Variants in MSL3 observed in about 807,000 individuals in gnomAD.
The protein encoded by MSL3 is MSL3-like 1.
Under a neutral mutation model 37.2 loss-of-function variants are expected in MSL3, and 5 were observed. The observed-to-expected ratio is 0.13, with a 90% confidence interval of 0.07 to 0.28. MSL3 has a LOEUF of 0.28. MSL3 is among the 10% of genes least tolerant of loss of function. MSL3 has a pLI of 1.00. For missense variants in MSL3, 315 were observed against 408.5 expected, an observed-to-expected ratio of 0.77 and a Z score of 1.97; for synonymous variants, 149 against 147.6, an observed-to-expected ratio of 1.01 and a Z score of -0.07.
At chrX:11,760,612 T>A in intron 3 of MSL3, 114 bp downstream of exon 3, 1 of 534,910 alleles carries the variant, frequency 1.9e-6, no homozygotes, top group Non-Finnish European at 2.8e-6. Flanking sequence ...TAAATAATTT[T>A]AAATATTTAA....
chrX:11,768,807 G>A, intron 10 of MSL3, 125 bp downstream of exon 10: 1 of 489,206 alleles, frequency 2.0e-6, no homozygotes, highest in Non-Finnish European at 3.5e-6. Context: ...TATCAAAATT[G>A]TACGTAATTT....
rs758177215 is a variant in MSL3 at position 11,763,929 on chromosome X, G to A, written c.899G>A (p.Ser300Asn). Residue 300 changes from serine to asparagine, a missense_variant, in exon 8 of 13, where the codon AGC becomes AAC. Ser to Asn is a conservative substitution (Grantham distance 46). Transcript: ENST00000312196. ...CTTCCAATTAAGGAAAGTGCCACAA[G>A]CACTAACAGGTAAGTTATATAGCCT... ...FFLPIKESAT[S>N]TNRSQEELSP... is the part of the protein sequence containing the mutation. 1.7e-6 allele frequency: 2 copies of A among 1,203,812 alleles called. No individual in the cohort carries two copies. The highest frequency in any genetic ancestry group is 3.0e-5 in the East Asian group (1 of 33,771).
chrX:11,770,729 A>C, intron 10 of MSL3, among the ~76,000 whole-genome samples: 1 of 111,861 alleles, frequency 8.9e-6, no homozygotes, highest in Admixed American at 9.4e-5. Context: ...GAAACCTACC[A>C]TTTTTCCCCG....
intron 9 of MSL3, chrX:11,767,965 A>ATCTTTT (rs1432983490): frequency 2.7e-6 from 2 of 739,080 alleles, no homozygotes; most frequent in Non-Finnish European, 3.2e-6. Context: ...ATAAAGTGCT[A>ATCTTTT]TCTTTTTCTG....
intron 8 of MSL3, among the ~76,000 whole-genome samples, chrX:11,764,543 A>G (rs1328270590): frequency 1.8e-5 from 2 of 110,873 alleles, no homozygotes; most frequent in South Asian, 3.9e-4. Context: ...CTTAATCTCT[A>G]TAAGGTATTG....
rs911506407 is a variant in MSL3, at chrX:11,772,324, C to T, written c.1381+69C>T. On this transcript the variant is annotated intron_variant, in intron 11 of 12. Transcript: ENST00000312196. ...ATTCTCTTGTTAGCTTTCTGTACAC[C>T]TTGTGGTTTGGGCTATAATTATCTA... The T allele has an allele frequency of 3.3e-6, 3 of 910,862 alleles. No homozygotes were observed. In the Admixed American group the frequency reaches 7.6e-5, roughly 23 times the overall value. The allele number at this position is 910,862 out of a possible 1,213,427, so 75.1% of individuals were successfully genotyped here. A position where few individuals can be genotyped will look rare whatever the true frequency, so the allele number is the denominator to read the frequency against.
chrX:11,772,768 T>C, intron 12 of MSL3, 63 bp downstream of exon 12: 1 of 636,089 alleles, frequency 1.6e-6, no homozygotes, highest in East Asian at 3.4e-5. Flanking sequence ...TCTGAACTTC[T>C]CTTTAGCACA....
At chrX:11,767,939 A>G in intron 9 of MSL3, 16 of 753,423 alleles carry the variant, frequency 2.1e-5, no homozygotes, top group Non-Finnish European at 2.4e-5. Flanking sequence ...GACTGTTTTT[A>G]AAAAGGTGCT....
intron 11 of MSL3, 114 bp from the exon 12 acceptor site, chrX:11,772,507 T>A: frequency 3.9e-6 from 2 of 516,971 alleles, no homozygotes; most frequent in South Asian, 3.3e-5. Context: ...ATAATGTGGA[T>A]GTTAATTTCA....
chrX:11,762,338 A>G, intron 6 of MSL3, 86 bp downstream of exon 6: 2 of 832,474 alleles, frequency 2.4e-6, no homozygotes, highest in Non-Finnish European at 3.4e-6. Context: ...AGCAATAGCG[A>G]ATCTTGGTGG....
chrX:11,758,561 C>A, intron 1 of MSL3, 196 bp downstream of exon 1: 1 of 1,105,738 alleles, frequency 9.0e-7, no homozygotes, highest in Non-Finnish European at 1.2e-6. Flanking sequence ...GCTTCCACTT[C>A]CTTCCGTCAG....
rs368111791 is a variant in MSL3, at chrX:11,765,835, G to A, written c.1171+106G>A. 8.4e-5 allele frequency: 95 copies of A among 1,131,291 alleles called. No individual in the cohort carries two copies. The South Asian group carries it at 1.9e-3, about 23-fold the overall frequency. The allele number at this position is 1,131,291 out of a possible 1,213,427, so 93.2% of individuals were successfully genotyped here. On this transcript the variant is annotated intron_variant, in intron 9 of 12. Transcript: ENST00000312196. ...GGTTACATGTGTGTGTGTACAGTGC[G>A]TGTGATTCCCATGTCCAAAGTGCTG...
At chrX:11,761,060 T>G in intron 4 of MSL3, 123 bp downstream of exon 4, 1 of 502,452 alleles carries the variant, frequency 2.0e-6, no homozygotes, top group Non-Finnish European at 3.3e-6. Context: ...TTGCCCCATT[T>G]ATTTTTGACA....
chrX:11,758,444 C>T (rs1156805157), intron 1 of MSL3, 79 bp downstream of exon 1: 1 of 938,128 alleles, frequency 1.1e-6, no homozygotes, highest in South Asian at 3.7e-5. Context: ...CGGACGGCCG[C>T]GCGGAGCTGA....
At chrX:11,772,082 C>A in intron 10 of MSL3, 74 bp from the exon 11 acceptor site, 1 of 698,074 alleles carries the variant, frequency 1.4e-6, no homozygotes, top group Non-Finnish European at 2.2e-6. Context: ...GTACAATTTA[C>A]TGTCATAATT....
rs751079550 is a variant in MSL3 at position 11,765,654 on chromosome X, G to A, written c.1096G>A (p.Ala366Thr). 23 of 1,210,327 alleles carry A rather than the reference G, an allele frequency of 1.9e-5. No homozygotes were observed. The South Asian group carries it at 3.2e-4, about 17-fold the overall frequency. Residue 366 changes from alanine to threonine, a missense_variant, in exon 9 of 13, where the codon GCT becomes ACT. Transcript: ENST00000312196. ...ANCDRLSESS[A>T]SPQPKRRQQD... Reference sequence around the variant, plus strand: ...CTGTGACAGGCTTTCTGAGAGCAGCGCTTCACCTCAGCCCAAGCGCCGGCA... The same window carrying A: ...CTGTGACAGGCTTTCTGAGAGCAGCACTTCACCTCAGCCCAAGCGCCGGCA...
At chrX:11,758,557 ACTTC>A in intron 1 of MSL3, 192 bp downstream of exon 1, 1 of 1,102,289 alleles carries the variant, frequency 9.1e-7, no homozygotes, top group Non-Finnish European at 1.2e-6. Context: ...GGATGCTTCC[ACTTC>A]CTTCCGTCAG....
chrX:11,771,728 C>T (rs751080662), intron 10 of MSL3, among the ~76,000 whole-genome samples: 1 of 111,413 alleles, frequency 9.0e-6, no homozygotes, highest in South Asian at 3.8e-4. Flanking sequence ...TACAGGCGTC[C>T]ACCACCACAC....
chrX:11,764,997 C>G (rs996153924), intron 8 of MSL3, among the ~76,000 whole-genome samples: 8 of 112,926 alleles, frequency 7.1e-5, no homozygotes, highest in Non-Finnish European at 1.3e-4. Context: ...CAATGCTTTT[C>G]TTAGTCCTGC....
Sources: gnomAD v4.1 joint callset for allele counts (sites outside exome capture counted in the v4.1 genomes callset) on GRCh38, gnomAD v4.1.1 for gene constraint, MANE v1.5 for transcripts, NCBI Gene and HGNC (gene_info 2026-07-23, HGNC 2026-07-21) for gene names.